ZNF787: variants seen among roughly 807,000 people sequenced by gnomAD.
ZNF787 encodes zinc finger protein 787.
Under a neutral mutation model 16.9 loss-of-function variants are expected in ZNF787, and 7 were observed. The ratio of observed to expected loss-of-function variants is 0.42; its 90% CI spans 0.24 to 0.78. The LOEUF (loss-of-function observed/expected upper bound fraction) is 0.78, where lower values mean the gene tolerates loss of function less well. ZNF787 is among the 30% of genes least tolerant of loss of function. The pLI is 0.30. For missense variants in ZNF787, 551 were observed against 589.3 expected (o/e 0.94, Z 0.67); for synonymous variants, 345 against 270.9 (o/e 1.27, Z -2.69).
intron 1 of ZNF787, among the ~76,000 whole-genome samples, chr19:56,111,326 C>T (rs1160411943): frequency 1.3e-5 from 2 of 152,058 alleles, no homozygotes; most frequent in African/African-American, 2.4e-5. Flanking sequence ...CCTGGGGCTC[C>T]GTGCTCAGCA....
intron 2 of ZNF787, among the ~76,000 whole-genome samples, chr19:56,090,363 G>A (rs1985526130): frequency 6.6e-6 from 1 of 152,022 alleles, no homozygotes; most frequent in Non-Finnish European, 1.5e-5. Context: ...ATGCCCAGAA[G>A]CGCATTAGTA....
chr19:56,118,955 T>A (rs2030212452), intron 1 of ZNF787, among the ~76,000 whole-genome samples: 1 of 151,936 alleles, frequency 6.6e-6, no homozygotes, highest in Non-Finnish European at 1.5e-5. Flanking sequence ...CAATCCTTCC[T>A]CTCTATCTTT....
rs1985308140 is a variant in ZNF787 at position 56,087,578 on chromosome 19, AG to A, written c.*444del. ...GGAGTCAAAAGGTGGGCTGATTAAA[AG>A]AAAATTCTAAAAGAGAAAAGGGCCC... On this transcript the variant is annotated 3_prime_UTR_variant, in exon 3 of 3. Transcript: ENST00000610935. The A allele has an allele frequency of 7.1e-6, 1 of 141,724 alleles. No individual in the cohort carries two copies. Among genetic ancestry groups the A allele is most frequent in the Non-Finnish European group, 1.6e-5 (1 of 64,412 alleles). The allele number at this position is 141,724 out of a possible 1,614,324, so 8.8% of individuals were successfully genotyped here. A position where few individuals can be genotyped will look rare whatever the true frequency, so the allele number is the denominator to read the frequency against.
chr19:56,088,190 G>A lies in ZNF787; in HGVS notation c.982C>T (p.Gln328Ter), dbSNP rs1448690812. The change falls in exon 3 of 3, where the codon CAG (glutamine) becomes TAG (stop). Residue 328 changes from glutamine (Q) to a stop codon, truncating the protein, a stop_gained. Transcript: ENST00000610935. LOFTEE classifies it high-confidence loss of function. The surrounding 1 kb of genome is among the most constrained non-coding windows in gnomAD (Gnocchi z 8.6). ...TTGTGTCTCCGGAGCGCGGCGCCCT[G>A]CACGAAGCCCTCCCCGCACTCCACG... The part of the protein sequence containing the change: ...ICVECGEGFV[Q>*]GAALRRHKKI... 6.5e-7 allele frequency: 1 copy of A among 1,541,698 alleles called. No individual in the cohort carries two copies.
chr19:56,104,778 G>A (rs1191419594), intron 1 of ZNF787, among the ~76,000 whole-genome samples: 1 of 152,260 alleles, frequency 6.6e-6, no homozygotes, highest in East Asian at 1.9e-4. Flanking sequence ...GTGGAGAGCA[G>A]AGCCTTTGCC....
chr19:56,096,752 TAAAG>T (rs779998121), intron 2 of ZNF787, among the ~76,000 whole-genome samples: 5 of 151,856 alleles, frequency 3.3e-5, no homozygotes, highest in East Asian at 1.9e-4. Flanking sequence ...CAAAATAAAA[TAAAG>T]AGAGATGAGG....
intron 2 of ZNF787, chr19:56,102,804 A>C (rs1986150559): frequency 1.5e-6 from 1 of 666,760 alleles, no homozygotes; most frequent in East Asian, 2.7e-5. Flanking sequence ...CAGGATGTGG[A>C]GGCGGGGCTG....
At chr19:56,115,354 C>CTTTTT (rs543989293) in intron 1 of ZNF787, among the ~76,000 whole-genome samples, 27 of 113,180 alleles carry the variant, frequency 2.4e-4, no homozygotes, top group African/African-American at 7.7e-4. Context: ...GATTTCGCTG[C>CTTTTT]TTTTTTTTTT....
At chr19:56,092,664 A>G (rs535510391) in intron 2 of ZNF787, among the ~76,000 whole-genome samples, 1 of 152,268 alleles carries the variant, frequency 6.6e-6, no homozygotes, top group Non-Finnish European at 1.5e-5. Flanking sequence ...CCTGGTTCTC[A>G]AGGACATAGG....
chr19:56,106,947 G>C (rs1986347179), intron 1 of ZNF787, among the ~76,000 whole-genome samples: 1 of 152,242 alleles, frequency 6.6e-6, no homozygotes, highest in African/African-American at 2.4e-5. Context: ...TCCAGGTACA[G>C]AACGGAGCCA....
At chr19:56,100,468 G>C (rs1986048058) in intron 2 of ZNF787, among the ~76,000 whole-genome samples, 1 of 152,184 alleles carries the variant, frequency 6.6e-6, no homozygotes, top group Non-Finnish European at 1.5e-5. Flanking sequence ...GAAGAGGCTG[G>C]GGCCAGGTGG....
At chr19:56,107,140 T>G (rs547760129) in intron 1 of ZNF787, among the ~76,000 whole-genome samples, 18 of 152,000 alleles carry the variant, frequency 1.2e-4, no homozygotes, top group African/African-American at 4.3e-4. Flanking sequence ...GAACTGTGAG[T>G]AGATTGGGGT....
At chr19:56,089,737 C>G (rs1230438300) in intron 2 of ZNF787, among the ~76,000 whole-genome samples, 1 of 152,224 alleles carries the variant, frequency 6.6e-6, no homozygotes, top group Non-Finnish European at 1.5e-5. Context: ...TGGTCAGCCC[C>G]TGGTGTGGGG....
rs1270330724 is a variant in ZNF787 at position 56,087,758 on chromosome 19, A to C, written c.*265T>G. The C allele has an allele frequency of 1.9e-5, 7 of 377,996 alleles. No homozygotes were observed. Among genetic ancestry groups the C allele is most frequent in the East Asian group, 6.6e-5 (1 of 15,154 alleles). The allele number at this position is 377,996 out of a possible 1,614,324, so 23.4% of individuals were successfully genotyped here. ...CCACTCGGCCTCTGCAGTTCTCTCC[A>C]TTGTCTCTCCGGCTCGCAGGCCGAT... On this transcript the variant is annotated 3_prime_UTR_variant, in exon 3 of 3. Transcript: ENST00000610935.
At chr19:56,090,202 C>G (rs747890849) in intron 2 of ZNF787, among the ~76,000 whole-genome samples, 1 of 152,348 alleles carries the variant, frequency 6.6e-6, no homozygotes, top group Admixed American at 6.5e-5. Flanking sequence ...CTGGCAAACA[C>G]GCAAGGAAGG....
Position 56,088,973 on chromosome 19 carries a change from T to C in ZNF787, c.199A>G (p.Ile67Val). 6.6e-7 allele frequency: 1 copy of C among 1,524,378 alleles called. No homozygotes were observed. The highest frequency in any genetic ancestry group is 1.4e-5 in the African/African-American group (1 of 70,644). The allele number at this position is 1,524,378 out of a possible 1,614,324, so 94.4% of individuals were successfully genotyped here. The change falls in exon 3 of 3, where the codon ATC becomes GTC. Residue 67 changes from isoleucine (I) to valine (V), a missense_variant. Physicochemically the swap from Ile to Val is conservative, Grantham distance 29. Around this residue, in one of 4 missense-constraint regions of ZNF787, gnomAD observed 80 missense variants for 105.9 expected, o/e 0.76. Transcript: ENST00000610935. This position sits in a 1 kb window ranked among gnomAD's most constrained non-coding sequence, Gnocchi z 8.6. ...PPRPRPPAPY[I>V]CNECGKSFSH... ...AAGCTCTTGCCACACTCGTTGCAGA[T>C]GTAGGGGGCGGGCGGCCGCGGCCGG... is the stretch of plus-strand genomic sequence containing the variant.
intron 2 of ZNF787, among the ~76,000 whole-genome samples, chr19:56,098,788 G>A (rs1985976125): frequency 7.3e-6 from 1 of 136,198 alleles, no homozygotes; most frequent in Non-Finnish European, 1.6e-5. Flanking sequence ...GCCACCGGGT[G>A]ATTACGGCCG....
chr19:56,117,777 G>C (rs994280640), intron 1 of ZNF787, among the ~76,000 whole-genome samples: 3 of 152,236 alleles, frequency 2.0e-5, no homozygotes. Context: ...ACTTGAGGGC[G>C]GGGCTATTTC....
chr19:56,114,712 T>C (rs1381929789), intron 1 of ZNF787, among the ~76,000 whole-genome samples: 1 of 152,146 alleles, frequency 6.6e-6, no homozygotes, highest in Non-Finnish European at 1.5e-5. Flanking sequence ...ATCACTTCTA[T>C]TGGTATTTCC....
Sources: allele counts gnomAD v4.1 joint callset (sites outside exome capture counted in the v4.1 genomes callset), GRCh38; gene constraint gnomAD v4.1.1; regional missense constraint gnomAD v4.1.1; non-coding constraint Gnocchi (gnomAD v3.1); transcripts MANE v1.5; gene names NCBI Gene and HGNC (gene_info 2026-07-23, HGNC 2026-07-21).